Variants in PDCL2 observed in about 807,000 individuals in gnomAD.
The protein encoded by PDCL2 is phosducin like 2.
Under a neutral mutation model 30.3 loss-of-function variants are expected in PDCL2, and 23 were observed. The ratio of observed to expected loss-of-function variants is 0.76; its 90% CI spans 0.55 to 1.08. The LOEUF (loss-of-function observed/expected upper bound fraction) is 1.08, where lower values mean the gene tolerates loss of function less well. Ranked by LOEUF, PDCL2 falls within the 50% of genes least tolerant of loss-of-function variation. PDCL2 has a pLI of 0.00. For synonymous variants in PDCL2, 68 were observed against 86.2 expected, an observed-to-expected ratio of 0.79 and a Z score of 1.17; for missense variants, 243 against 282.3, an observed-to-expected ratio of 0.86 and a Z score of 1.00.
chr4:55,580,549 T>G (rs1053404535), intron 3 of PDCL2, among the ~76,000 whole-genome samples: 45 of 152,346 alleles, frequency 3.0e-4, no homozygotes, highest in African/African-American at 1.0e-3. Context: ...TATTGGCCTC[T>G]TATTGCTATT....
intron 2 of PDCL2, 128 bp downstream of exon 2, chr4:55,581,989 G>A (rs1732726718): frequency 3.9e-6 from 5 of 1,274,314 alleles, no homozygotes; most frequent in African/African-American, 1.5e-5. Flanking sequence ...TTACAGGTGT[G>A]AGCCACCATG....
In PDCL2 at chr4:55,567,866, A is replaced by G. The variant is rs570459508; in HGVS notation, c.362+1852T>C. 7.3e-4 allele frequency among the ~76,000 whole-genome samples: 111 copies of G among 152,322 alleles called. No homozygotes were observed. In the South Asian group the frequency reaches 0.022, roughly 30 times the overall value. On this transcript the variant is annotated intron_variant, in intron 4 of 5. Transcript: ENST00000295645. ...GGGCAGCTATCCTCACTTTGGCTCAAGTAAACTCTTTAAATTATATTTTGT... is the reference window on the plus strand; with the variant it reads ...GGGCAGCTATCCTCACTTTGGCTCAGGTAAACTCTTTAAATTATATTTTGT...
At chr4:55,567,734 A>G (rs942444085) in intron 4 of PDCL2, among the ~76,000 whole-genome samples, 9 of 152,172 alleles carry the variant, frequency 5.9e-5, no homozygotes, top group African/African-American at 1.9e-4. Context: ...CCTGACAAAC[A>G]ACTTTGTATC....
Position 55,564,954 on chromosome 4 carries a change from A to G in PDCL2, c.363-2342T>C, listed in dbSNP as rs140837900. On this transcript the variant is annotated intron_variant, in intron 4 of 5. Coordinates refer to ENST00000295645, the MANE Select transcript of PDCL2 (RefSeq NM_152401.3). ...TCATTCCTGGACTTGGGCCAAGCTAACTCTGGGAGAATTTCAGTTTACAGT... is the reference window on the plus strand; with the variant it reads ...TCATTCCTGGACTTGGGCCAAGCTAGCTCTGGGAGAATTTCAGTTTACAGT... Among the ~76,000 whole-genome samples the G allele has an allele frequency of 3.4e-3, 517 of 152,266 alleles. 3 individuals are homozygous for G. The highest frequency in any genetic ancestry group is 0.012 in the African/African-American group (499 of 41,548).
chr4:55,582,313 T>C, intron 1 of PDCL2, 76 bp from the exon 2 acceptor site: 1 of 1,417,238 alleles, frequency 7.1e-7, no homozygotes, highest in Non-Finnish European at 9.4e-7. Flanking sequence ...CATTAAGATG[T>C]AGCACTTCCA....
chr4:55,587,682 A>T (rs1185955113), intron 1 of PDCL2, among the ~76,000 whole-genome samples: 1 of 151,628 alleles, frequency 6.6e-6, no homozygotes, highest in Non-Finnish European at 1.5e-5. Context: ...CAGCCTCCTG[A>T]GTAGCTAAGA....
At chr4:55,557,687 C>A (rs1255606174) in intron 5 of PDCL2, among the ~76,000 whole-genome samples, 1 of 151,988 alleles carries the variant, frequency 6.6e-6, no homozygotes, top group Non-Finnish European at 1.5e-5. Context: ...CCCAGTAGCC[C>A]CCAAAGTCTC....
chr4:55,566,572 G>T (rs6822752), intron 4 of PDCL2, among the ~76,000 whole-genome samples: 3,916 of 147,790 alleles, frequency 0.026, 182 homozygotes, highest in African/African-American at 0.091. Flanking sequence ...ACAGGCATGC[G>T]CCACCAAGCC....
At chr4:55,591,023 T>A (rs2171617) in intron 1 of PDCL2, among the ~76,000 whole-genome samples, 116,339 of 151,954 alleles carry the variant, frequency 0.77, 44,876 homozygotes, top group East Asian at 0.9. Context: ...TACATTTCAA[T>A]CCTGAAGAGC....
chr4:55,592,115 G>T lies in PDCL2; in HGVS notation c.-6C>A. 3 of 1,609,366 alleles carry T rather than the reference G, an allele frequency of 1.9e-6. No homozygotes were observed. The South Asian group carries it at 3.3e-5, about 18-fold the overall frequency. ...GTCCCGACCCTCACCTGCATGATGC[G>T]CTGCTCTGCCCCTCAAGAGCCCGCG... On this transcript the variant is annotated 5_prime_UTR_variant, in exon 1 of 6. Transcript: ENST00000295645.
rs191117973 is a variant in PDCL2 at position 55,576,176 on chromosome 4, C to T, written c.218+4645G>A. Among the ~76,000 whole-genome samples, 4 of 152,204 alleles carry T rather than the reference C, an allele frequency of 2.6e-5. No individual in the cohort carries two copies. In the South Asian group the frequency reaches 6.2e-4, roughly 24 times the overall value. On this transcript the variant is annotated intron_variant, in intron 3 of 5. Transcript: ENST00000295645. ...GCGCGATCTTAGCTTACTGCAACCT[C>T]TGCCTCCCAGGTTCAAGCAATTCTC...
chr4:55,573,142 A>C (rs1027772965), intron 3 of PDCL2, among the ~76,000 whole-genome samples: 18 of 152,300 alleles, frequency 1.2e-4, no homozygotes, highest in Admixed American at 3.3e-4. Context: ...CTTTATTGCA[A>C]TAAAGTCTGA....
intron 5 of PDCL2, among the ~76,000 whole-genome samples, chr4:55,561,594 A>G (rs1732138415): frequency 6.6e-6 from 1 of 152,134 alleles, no homozygotes; most frequent in African/African-American, 2.4e-5. Context: ...ACAAAAAACA[A>G]AAACCGAAAA....
rs767944757 is a variant in PDCL2, at chr4:55,582,175, T to C, written c.69A>G (p.Lys23=). The C allele has an allele frequency of 1.9e-5, 30 of 1,612,906 alleles. No individual in the cohort carries two copies. Among genetic ancestry groups the C allele is most frequent in the Non-Finnish European group, 2.5e-5 (30 of 1,179,474 alleles). Residue 23 remains lysine, a synonymous_variant, in exon 2 of 6, where the codon AAA becomes AAG. Transcript: ENST00000295645. ...ILRDFGILPP[K]EESKDEIEEM... ...CTTCAATTTCATCTTTTGACTCTTC[T>C]TTAGGAGGAAGAATGCCGAAATCTC... is the stretch of plus-strand genomic sequence containing the variant.
At chr4:55,576,448 T>C (rs1291111975) in intron 3 of PDCL2, among the ~76,000 whole-genome samples, 1 of 152,190 alleles carries the variant, frequency 6.6e-6, no homozygotes, top group Non-Finnish European at 1.5e-5. Flanking sequence ...GGTAAATACA[T>C]AAAGCAATAA....
intron 3 of PDCL2, among the ~76,000 whole-genome samples, chr4:55,578,458 C>A (rs1430761738): frequency 1.3e-5 from 2 of 152,186 alleles, no homozygotes; most frequent in Non-Finnish European, 2.9e-5. Flanking sequence ...TTGGAAACTA[C>A]AAGCATTCAA....
chr4:55,579,494 A>G (rs1302516565), intron 3 of PDCL2, among the ~76,000 whole-genome samples: 1 of 152,032 alleles, frequency 6.6e-6, no homozygotes, highest in Non-Finnish European at 1.5e-5. Flanking sequence ...ACGCCTGGCT[A>G]ATTTAAAGAC....
intron 4 of PDCL2, among the ~76,000 whole-genome samples, chr4:55,567,788 A>G (rs77052204): frequency 0.058 from 8,892 of 152,264 alleles, 316 homozygotes; most frequent in South Asian, 0.092. Flanking sequence ...AAACCTGCTC[A>G]TAACAAAGGC....
intron 3 of PDCL2, among the ~76,000 whole-genome samples, chr4:55,572,774 T>C (rs1303144877): frequency 6.6e-6 from 1 of 152,184 alleles, no homozygotes. Flanking sequence ...TTCTTTTTTT[T>C]CTTTGGGATG....
Sources: allele counts gnomAD v4.1 joint callset (sites outside exome capture counted in the v4.1 genomes callset), GRCh38; gene constraint gnomAD v4.1.1; transcripts MANE v1.5; gene names NCBI Gene and HGNC (gene_info 2026-07-23, HGNC 2026-07-21).